KCNQ5: variants seen among roughly 807,000 people sequenced by gnomAD.
KCNQ5 encodes potassium voltage-gated channel subfamily KQT member 5.
KCNQ5 carries 30 observed loss-of-function variants against 98.2 expected under a neutral mutation model. The observed-to-expected ratio is 0.31, with a 90% CI of 0.23 to 0.41. KCNQ5 has a LOEUF of 0.41. KCNQ5 is among the 10% of genes least tolerant of loss of function. The pLI is 1.00. For synonymous variants in KCNQ5, 458 were observed against 449.4 expected, an observed-to-expected ratio of 1.02 and a Z score of -0.24; for missense variants, 835 against 1,182.5, an observed-to-expected ratio of 0.71 and a Z score of 4.31.
chr6:72,751,930 A>G (rs190388444), intron 1 of KCNQ5, among the ~76,000 whole-genome samples: 40 of 152,312 alleles, frequency 2.6e-4, no homozygotes, highest in Admixed American at 2.0e-3. Flanking sequence ...AGATATTTAT[A>G]TAAATTTCAC....
intron 1 of KCNQ5, among the ~76,000 whole-genome samples, chr6:72,705,078 A>G (rs1255326804): frequency 6.6e-6 from 1 of 151,922 alleles, no homozygotes; most frequent in African/African-American, 2.4e-5. Context: ...TGCTCAATCT[A>G]TTTTTCCATC....
chr6:72,803,321 T>C (rs190603288), intron 1 of KCNQ5, among the ~76,000 whole-genome samples: 40 of 152,316 alleles, frequency 2.6e-4, no homozygotes, highest in Middle Eastern at 3.4e-3. Flanking sequence ...AGATAGTTAA[T>C]GGGAGAAAAG....
At chr6:72,784,108 G>C (rs150089169) in intron 1 of KCNQ5, among the ~76,000 whole-genome samples, 1 of 152,092 alleles carries the variant, frequency 6.6e-6, no homozygotes, top group African/African-American at 2.4e-5. Flanking sequence ...ATCCCTCCTC[G>C]AATCGTCAAC....
chr6:72,675,838 G>T (rs572656031), intron 1 of KCNQ5, among the ~76,000 whole-genome samples: 16 of 152,166 alleles, frequency 1.1e-4, no homozygotes, highest in African/African-American at 3.9e-4. Flanking sequence ...TATGAGATGG[G>T]AGCATTGGCT....
At chr6:73,168,195 A>G (rs1777876191) in intron 10 of KCNQ5, among the ~76,000 whole-genome samples, 1 of 152,220 alleles carries the variant, frequency 6.6e-6, no homozygotes. Flanking sequence ...ATTGATGTAA[A>G]TGACACACAA....
chr6:72,820,675 T>TC (rs1775711777), intron 1 of KCNQ5, among the ~76,000 whole-genome samples: 1 of 151,874 alleles, frequency 6.6e-6, no homozygotes, highest in Non-Finnish European at 1.5e-5. Flanking sequence ...CATTTTTTTT[T>TC]CTCTCCTTGG....
intron 1 of KCNQ5, among the ~76,000 whole-genome samples, chr6:72,667,000 T>C (rs1215041900): frequency 1.3e-5 from 2 of 152,232 alleles, no homozygotes; most frequent in Non-Finnish European, 2.9e-5. Context: ...ATTGAACAAC[T>C]TTTAAAAGAT....
rs1339992784 is a variant in KCNQ5 at position 72,975,930 on chromosome 6, C to T, written c.399-27978C>T. Among the ~76,000 whole-genome samples, 12 of 152,244 alleles carry T rather than the reference C, an allele frequency of 7.9e-5. No homozygotes were observed. In the East Asian group the frequency reaches 9.6e-4, roughly 12 times the overall value. ...TGAGATTTTCCATGAAATGTGAATGCGCTCAGAAAGCCTTTCCAAGTTTTT... is the reference window on the plus strand; with the variant it reads ...TGAGATTTTCCATGAAATGTGAATGTGCTCAGAAAGCCTTTCCAAGTTTTT... On this transcript the variant is annotated intron_variant, in intron 1 of 13. Transcript: ENST00000370398.
chr6:72,754,055 A>G (rs1161335409), intron 1 of KCNQ5, among the ~76,000 whole-genome samples: 1 of 152,060 alleles, frequency 6.6e-6, no homozygotes, highest in Admixed American at 6.6e-5. Context: ...TAGAACCTTC[A>G]TTATGATGTT....
chr6:72,999,040 A>G (rs1315599469), intron 1 of KCNQ5, among the ~76,000 whole-genome samples: 2 of 152,178 alleles, frequency 1.3e-5, no homozygotes, highest in African/African-American at 2.4e-5. Context: ...GTGAATGCCA[A>G]TAGGGTAACT....
At chr6:72,744,157 G>C (rs997109496) in intron 1 of KCNQ5, among the ~76,000 whole-genome samples, 1 of 152,204 alleles carries the variant, frequency 6.6e-6, no homozygotes, top group Admixed American at 6.5e-5. Flanking sequence ...TGGCCACACA[G>C]GTAAGCTCAG....
At chr6:73,010,642 A>T in intron 2 of KCNQ5, among the ~76,000 whole-genome samples, 1 of 146,286 alleles carries the variant, frequency 6.8e-6, no homozygotes. Flanking sequence ...TGAAGATTTA[A>T]AAAAAAAAAA....
intron 1 of KCNQ5, among the ~76,000 whole-genome samples, chr6:72,868,579 C>T (rs985618150): frequency 6.6e-6 from 1 of 152,112 alleles, no homozygotes; most frequent in African/African-American, 2.4e-5. Flanking sequence ...TGCCATATTG[C>T]ATTCAGTGAG....
chr6:72,892,214 C>T (rs1779082954), intron 1 of KCNQ5, among the ~76,000 whole-genome samples: 1 of 152,120 alleles, frequency 6.6e-6, no homozygotes, highest in African/African-American at 2.4e-5. Flanking sequence ...AACATAGAAC[C>T]TTCCTTCAGG....
chr6:73,082,202 G>A lies in KCNQ5; in HGVS notation c.918+4315G>A, dbSNP rs772857452. ...ACCATCCCTGCCCAGATCCTCATCCGCCTTGTTACCCTGCAGCCTGAAAAG... is the reference window on the plus strand; with the variant it reads ...ACCATCCCTGCCCAGATCCTCATCCACCTTGTTACCCTGCAGCCTGAAAAG... On this transcript the variant is annotated intron_variant, in intron 5 of 13. Coordinates refer to ENST00000370398, the MANE Select transcript of KCNQ5 (RefSeq NM_019842.4). 1.3e-4 allele frequency among the ~76,000 whole-genome samples: 20 copies of A among 152,288 alleles called. No homozygotes were observed. The South Asian group carries it at 1.7e-3, about 13-fold the overall frequency.
chr6:73,158,201 C>T (rs1464489740), intron 10 of KCNQ5: 26 of 270,720 alleles, frequency 9.6e-5, no homozygotes, highest in Non-Finnish European at 5.8e-5. Flanking sequence ...GCGGCGGCGC[C>T]GGCCCCAGCG....
intron 1 of KCNQ5, among the ~76,000 whole-genome samples, chr6:72,870,008 C>T (rs949569345): frequency 6.6e-6 from 1 of 152,202 alleles, no homozygotes; most frequent in African/African-American, 2.4e-5. Flanking sequence ...GTCCACACCA[C>T]TAAAATGGCC....
chr6:72,935,227 C>T (rs56388218), intron 1 of KCNQ5, among the ~76,000 whole-genome samples: 2,257 of 151,980 alleles, frequency 0.015, 53 homozygotes, highest in African/African-American at 0.051. Flanking sequence ...CCCACCACCA[C>T]GCCCAGCTAA....
chr6:72,688,202 TATTTG>T (rs1478060665), intron 1 of KCNQ5, among the ~76,000 whole-genome samples: 1 of 152,220 alleles, frequency 6.6e-6, no homozygotes, highest in Non-Finnish European at 1.5e-5. Flanking sequence ...GTTTACACTT[TATTTG>T]AAGTTTCAGA....
Sources: gnomAD v4.1 joint callset for allele counts (sites outside exome capture counted in the v4.1 genomes callset) on GRCh38, gnomAD v4.1.1 for gene constraint, MANE v1.5 for transcripts, NCBI Gene and HGNC (gene_info 2026-07-23, HGNC 2026-07-21) for gene names.